IARS1: variants seen among roughly 807,000 people sequenced by gnomAD.
IARS1 encodes isoleucyl-tRNA synthetase 1.
In IARS1, 124 loss-of-function variants were observed where a neutral mutation model predicts 168.2. That is an observed-to-expected ratio of 0.74 (90% CI 0.64 to 0.86). The LOEUF is 0.86. Ranked by LOEUF, IARS1 falls within the 40% of genes least tolerant of loss-of-function variation. The pLI is 0.00. For synonymous variants in IARS1, 532 were observed against 529.4 expected (o/e 1.00, Z -0.07); for missense variants, 1,452 against 1,515.8 (o/e 0.96, Z 0.70).
intron 30 of IARS1, among the ~76,000 whole-genome samples, chr9:92,235,173 CTA>C (rs371628633): frequency 1.3e-5 from 2 of 152,216 alleles, no homozygotes; most frequent in South Asian, 2.1e-4. Flanking sequence ...TTATGATTTT[CTA>C]TAGAGTCAGC....
At position 92,278,707 on chromosome 9, in the gene IARS1, T is replaced by C. The variant is rs561696241; in HGVS notation, c.746-421A>G. Among the ~76,000 whole-genome samples, 8 of 152,282 alleles carry C rather than the reference T, an allele frequency of 5.3e-5. 1 individual carries two copies. In the South Asian group the frequency reaches 1.5e-3, roughly 28 times the overall value. On this transcript the variant is annotated intron_variant, in intron 7 of 33. Coordinates refer to ENST00000443024, the MANE Select transcript of IARS1 (RefSeq NM_002161.6). ...ATATACAAACAAACATATAGGTAAATGTGTAAGTTCTTTTTATTTTTCTAA... is the reference window on the plus strand; with the variant it reads ...ATATACAAACAAACATATAGGTAAACGTGTAAGTTCTTTTTATTTTTCTAA...
intron 33 of IARS1, among the ~76,000 whole-genome samples, chr9:92,216,262 C>G (rs1838668055): frequency 6.7e-6 from 1 of 148,986 alleles, no homozygotes; most frequent in African/African-American, 2.4e-5. Context: ...TAAAAGAGCT[C>G]CTGAAGGAAG....
rs1177033411 is a variant in IARS1, at chr9:92,247,502, C to T, written c.2666G>A (p.Gly889Asp). ...VTLSTDKNKY[G>D]IRLRAEPDHM... ...ATCTGGTTCTGCCCTTAGCCGAATGCCATACTTGTTTTTATCTGTAGACAG... is the reference window on the plus strand; with the variant it reads ...ATCTGGTTCTGCCCTTAGCCGAATGTCATACTTGTTTTTATCTGTAGACAG... Residue 889 changes from glycine to aspartate, a missense_variant, in exon 26 of 34, where the codon GGC (glycine) becomes GAC (aspartate). Gly to Asp is a moderately conservative substitution (Grantham distance 94). Coordinates refer to ENST00000443024, the MANE Select transcript of IARS1 (RefSeq NM_002161.6). The T allele has an allele frequency of 1.2e-6, 2 of 1,613,994 alleles. No homozygotes were observed. The highest frequency in any genetic ancestry group is 2.7e-5 in the African/African-American group (2 of 74,890).
At chr9:92,266,800 G>C (rs1391351665) in intron 14 of IARS1, among the ~76,000 whole-genome samples, 2 of 152,172 alleles carry the variant, frequency 1.3e-5, no homozygotes, top group Non-Finnish European at 2.9e-5. Flanking sequence ...TCCATCATAA[G>C]TGGATGTAGC....
chr9:92,245,977 C>T (rs914022216), intron 26 of IARS1, among the ~76,000 whole-genome samples: 4 of 152,048 alleles, frequency 2.6e-5, no homozygotes, highest in African/African-American at 9.6e-5. Flanking sequence ...GGGGTTTCAC[C>T]GTGTTAGCCA....
chr9:92,289,747 T>G (rs1301969177), intron 1 of IARS1, among the ~76,000 whole-genome samples: 2 of 152,224 alleles, frequency 1.3e-5, no homozygotes, highest in Non-Finnish European at 1.5e-5. Context: ...CTTCTTTCTG[T>G]CCCTGCAGAT....
At chr9:92,276,063 C>T (rs1208580307) in intron 9 of IARS1, among the ~76,000 whole-genome samples, 1 of 151,928 alleles carries the variant, frequency 6.6e-6, no homozygotes, top group Non-Finnish European at 1.5e-5. Context: ...GTCACTGATC[C>T]AGTGGAAGAG....
chr9:92,223,895 A>G (rs1375289480), intron 31 of IARS1, among the ~76,000 whole-genome samples: 1 of 152,256 alleles, frequency 6.6e-6, no homozygotes, highest in East Asian at 1.9e-4. Context: ...AGCATGATAC[A>G]CAGAACATAT....
chr9:92,265,363 TCAGCAAAGTAATTCAGCAAG>T, intron 15 of IARS1, 97 bp downstream of exon 15: 1 of 984,480 alleles, frequency 1.0e-6, no homozygotes, highest in Non-Finnish European at 1.6e-6. Flanking sequence ...ACATGAGTCA[TCAGCAAAGTAATTCAGCAAG>T]CTAGTCACTT....
chr9:92,293,332 A>G, intron 1 of IARS1: 1 of 298,102 alleles, frequency 3.4e-6, no homozygotes, highest in Non-Finnish European at 7.2e-6. Context: ...ATTGAAGGTA[A>G]TAAATTAAGA....
In IARS1 at chr9:92,242,341, A is replaced by G. The variant is rs770822119; in HGVS notation, c.3001-11T>C. The G allele has an allele frequency of 6.2e-7, 1 of 1,603,628 alleles. No homozygotes were observed. Among genetic ancestry groups the G allele is most frequent in the South Asian group, 1.1e-5 (1 of 89,340 alleles). On this transcript the variant is annotated splice_polypyrimidine_tract_variant and intron_variant, in intron 28 of 33. Transcript: ENST00000443024. The stretch of plus-strand genomic sequence containing the variant: ...TGGAACCAGATTGCACTGAAAACAC[A>G]CACAGAAAAATTTAAAAGGGAAGTA...
intron 7 of IARS1, 42 bp downstream of exon 7, chr9:92,280,704 A>G: frequency 7.3e-7 from 1 of 1,371,908 alleles, no homozygotes. Context: ...ATATAAAATT[A>G]TCTTATCCAT....
intron 9 of IARS1, 60 bp from the exon 10 acceptor site, chr9:92,274,581 T>G (rs577033830): frequency 4.2e-6 from 5 of 1,196,394 alleles, no homozygotes; most frequent in Admixed American, 3.6e-5. Context: ...AACGTTAACT[T>G]TGTAACAGTT....
At chr9:92,282,758 A>G (rs1834812013) in intron 6 of IARS1, among the ~76,000 whole-genome samples, 1 of 151,844 alleles carries the variant, frequency 6.6e-6, no homozygotes. Context: ...TGACAGACTG[A>G]AATCCCTTCT....
At chr9:92,251,551 C>A (rs1375240732) in intron 22 of IARS1, among the ~76,000 whole-genome samples, 1 of 152,174 alleles carries the variant, frequency 6.6e-6, no homozygotes, top group Non-Finnish European at 1.5e-5. Flanking sequence ...GATCCTCATT[C>A]TAGAGCCAAG....
chr9:92,249,968 C>T (rs1829774640), intron 24 of IARS1, 27 bp from the exon 25 acceptor site: 1 of 1,299,574 alleles, frequency 7.7e-7, no homozygotes, highest in South Asian at 1.2e-5. Flanking sequence ...GGGGAAAGTT[C>T]ACTCAGCAGC....
At position 92,243,326 on chromosome 9, in the gene IARS1, A is replaced by G; in HGVS notation, c.2905-15T>C. 1 of 1,534,830 alleles carries G rather than the reference A, an allele frequency of 6.5e-7. No individual in the cohort carries two copies. Among genetic ancestry groups the G allele is most frequent in the Non-Finnish European group, 9.0e-7 (1 of 1,108,328 alleles). On this transcript the variant is annotated splice_polypyrimidine_tract_variant and intron_variant, in intron 27 of 33. Transcript: ENST00000443024. ...AGGACCAAAGCCTGTGGGAATGAAC[A>G]GTGCACACCATGACAATCAAATAAG... is the stretch of plus-strand genomic sequence containing the variant.
At position 92,245,016 on chromosome 9, in the gene IARS1, G is replaced by T. The variant is rs150301572; in HGVS notation, c.2847C>A (p.Tyr949Ter). 1.1e-5 allele frequency: 17 copies of T among 1,614,060 alleles called. No homozygotes were observed. Among genetic ancestry groups the T allele is most frequent in the Non-Finnish European group, 1.7e-6 (2 of 1,180,028 alleles). Residue 949 changes from tyrosine (Y) to a stop codon, truncating the protein, a stop_gained, in exon 27 of 34, where the codon TAC becomes TAA. Coordinates refer to ENST00000443024, the MANE Select transcript of IARS1 (RefSeq NM_002161.6). LOFTEE classifies it high-confidence loss of function. ...TCCCACCTGTGGCCTGATCAAAGGT[G>T]TACATGAGGCGGATGTCTTCATCGT... Reference protein sequence around the residue: ...ELHDEDIRLMYTFDQATGGTA... With the variant: ...ELHDEDIRLM
intron 31 of IARS1, among the ~76,000 whole-genome samples, chr9:92,228,001 T>A (rs1278303453): frequency 1.3e-5 from 2 of 151,894 alleles, no homozygotes; most frequent in African/African-American, 4.8e-5. Flanking sequence ...GAGATGGAGG[T>A]TGTAGCGAGC....
Sources: gnomAD v4.1 joint callset for allele counts (sites outside exome capture counted in the v4.1 genomes callset) on GRCh38, gnomAD v4.1.1 for gene constraint, MANE v1.5 for transcripts, NCBI Gene and HGNC (gene_info 2026-07-23, HGNC 2026-07-21) for gene names.